The following MTCL2 variants were observed in gnomAD, a reference collection of about 807,000 sequenced individuals.
The protein encoded by MTCL2 is microtubule cross-linking factor 2.
chr20:36,856,861 TGCGC>T, the MTCL2 span, among the ~76,000 whole-genome samples: 3 of 151,964 alleles, frequency 2.0e-5, no homozygotes, highest in Non-Finnish European at 2.9e-5. Flanking sequence ...TGTGTGTGCG[TGCGC>T]GCACGTGTGT....
At chr20:36,797,461 GC>G in the MTCL2 span, 1 of 1,547,608 alleles carries the variant, frequency 6.5e-7, no homozygotes, top group Non-Finnish European at 8.7e-7. Flanking sequence ...TTATGGTGCA[GC>G]CAGGAGCCAA....
the MTCL2 span, among the ~76,000 whole-genome samples, chr20:36,837,435 G>C: frequency 6.6e-6 from 1 of 151,902 alleles, no homozygotes; most frequent in Non-Finnish European, 1.5e-5. Flanking sequence ...CACACTGAGC[G>C]CCCCTTGACC....
the MTCL2 span, among the ~76,000 whole-genome samples, chr20:36,804,337 C>T: frequency 5.9e-5 from 9 of 152,200 alleles, no homozygotes; most frequent in Non-Finnish European, 2.9e-5. Flanking sequence ...CTGGTTAAGG[C>T]TCCTTTGGGG....
the MTCL2 span, among the ~76,000 whole-genome samples, chr20:36,790,116 C>T: frequency 1.3e-5 from 2 of 151,830 alleles, no homozygotes; most frequent in African/African-American, 4.8e-5. Context: ...CTCAGCTTCC[C>T]GAGTAGCTGG....
the MTCL2 span, among the ~76,000 whole-genome samples, chr20:36,821,900 A>C: frequency 1.3e-5 from 2 of 152,216 alleles, no homozygotes; most frequent in Non-Finnish European, 2.9e-5. Context: ...GGGAAAAGTC[A>C]TTATAAAAGG....
the MTCL2 span, among the ~76,000 whole-genome samples, chr20:36,831,656 C>T: frequency 3.3e-5 from 5 of 152,154 alleles, no homozygotes; most frequent in Non-Finnish European, 7.3e-5. Flanking sequence ...TGTTTCTGCC[C>T]GAGGATCTCG....
At chr20:36,856,851 TGTGTGTGCGTGCGCGCAC>T in the MTCL2 span, among the ~76,000 whole-genome samples, 92 of 152,302 alleles carry the variant, frequency 6.0e-4, no homozygotes, top group African/African-American at 1.4e-3. Flanking sequence ...TGTGTGTGTG[TGTGTGTGCGTGCGCGCAC>T]GTGTGTGCGT....
chr20:36,834,187 G>C, the MTCL2 span, among the ~76,000 whole-genome samples: 2 of 150,770 alleles, frequency 1.3e-5, no homozygotes, highest in African/African-American at 4.9e-5. Context: ...AAAGAAAAAA[G>C]GAAGAGCATC....
At chr20:36,785,722 T>C in the MTCL2 span, 1 of 985,542 alleles carries the variant, frequency 1.0e-6, no homozygotes, top group Non-Finnish European at 1.2e-6. Context: ...TCAAGGGGTC[T>C]GCTGGGAACG....
At chr20:36,824,825 T>A in the MTCL2 span, among the ~76,000 whole-genome samples, 5 of 152,002 alleles carry the variant, frequency 3.3e-5, no homozygotes, top group African/African-American at 9.7e-5. Context: ...GCTAATTTTT[T>A]AAATTTTTGT....
At chr20:36,788,343 C>A in the MTCL2 span, among the ~76,000 whole-genome samples, 1 of 151,898 alleles carries the variant, frequency 6.6e-6, no homozygotes, top group Non-Finnish European at 1.5e-5. Flanking sequence ...GAGCAAGACC[C>A]CATCTCTTTA....
chr20:36,810,063 G>C, the MTCL2 span: 18 of 1,599,494 alleles, frequency 1.1e-5, no homozygotes, highest in Non-Finnish European at 1.4e-5. Flanking sequence ...GCAAGCCCCG[G>C]AGGCTGTCGT....
the MTCL2 span, among the ~76,000 whole-genome samples, chr20:36,849,794 T>C: frequency 1.3e-5 from 2 of 152,204 alleles, no homozygotes; most frequent in Non-Finnish European, 2.9e-5. Flanking sequence ...CCTTTGCACG[T>C]GGCTCCAGAT....
At chr20:36,795,862 A>C in the MTCL2 span, among the ~76,000 whole-genome samples, 2 of 152,074 alleles carry the variant, frequency 1.3e-5, no homozygotes, top group Non-Finnish European at 2.9e-5. Context: ...ACACCCCTAA[A>C]CACAGCCCTC....
At chr20:36,830,338 G>A in the MTCL2 span, among the ~76,000 whole-genome samples, 1 of 152,154 alleles carries the variant, frequency 6.6e-6, no homozygotes, top group Non-Finnish European at 1.5e-5. Flanking sequence ...GGCCGAGGCA[G>A]GGGGATCGCT....
the MTCL2 span, chr20:36,816,079 C>G: frequency 6.2e-7 from 1 of 1,613,616 alleles, no homozygotes; most frequent in Middle Eastern, 1.6e-4. Context: ...TTGGCTTCCT[C>G]CTCCACCAGC....
chr20:36,786,763 G>A, the MTCL2 span: 1 of 910,406 alleles, frequency 1.1e-6, no homozygotes, highest in Admixed American at 2.8e-5. Context: ...AGGGGCTGAA[G>A]CTCCTCACTG....
the MTCL2 span, among the ~76,000 whole-genome samples, chr20:36,802,368 C>G: frequency 6.6e-6 from 1 of 152,102 alleles, no homozygotes; most frequent in Non-Finnish European, 1.5e-5. Flanking sequence ...GTAGGTGGTG[C>G]CTGGCTGCAT....
chr20:36,829,350 G>T, the MTCL2 span: 1 of 845,748 alleles, frequency 1.2e-6, no homozygotes, highest in Non-Finnish European at 1.8e-6. Flanking sequence ...CCACGCTGCA[G>T]ATGAGCAAAC....
Sources: gnomAD v4.1 joint callset for allele counts (sites outside exome capture counted in the v4.1 genomes callset) on GRCh38, gnomAD v4.1.1 for gene constraint, MANE v1.5 for transcripts, NCBI Gene and HGNC (gene_info 2026-07-23, HGNC 2026-07-21) for gene names.